Variants in ACCSL observed in about 807,000 individuals in gnomAD.
ACCSL encodes the protein 1-aminocyclopropane-1-carboxylate synthase homolog (inactive) like.
A neutral mutation model predicts 61.7 loss-of-function variants in ACCSL; 55 were observed. The ratio of observed to expected loss-of-function variants is 0.89; its 90% CI spans 0.72 to 1.12. The LOEUF (loss-of-function observed/expected upper bound fraction) is 1.12, where lower values mean the gene tolerates loss of function less well. ACCSL is among the 50% of genes most tolerant of loss of function. The pLI is 0.00. For missense variants in ACCSL, 632 were observed against 698.0 expected, an observed-to-expected ratio of 0.91 and a Z score of 1.07; for synonymous variants, 258 against 264.3, an observed-to-expected ratio of 0.98 and a Z score of 0.23.
rs374124555 is a variant in ACCSL at position 44,053,414 on chromosome 11, G to T, written c.957G>T (p.Lys319Asn). The change falls in exon 8 of 14, where the codon AAG (lysine) becomes AAT (asparagine). Residue 319 changes from lysine to asparagine, a missense_variant. Coordinates refer to ENST00000378832, the MANE Select transcript of ACCSL (RefSeq NM_001031854.2). The stretch of plus-strand genomic sequence containing the variant: ...ATTTGGGTTTTTCTTAGGGGAAAAA[G>T]GTCCGAGGCCTTGTGCTAATCAACC... ...ALLEARLEGK[K>N]VRGLVLINPQ... 3.7e-6 allele frequency: 6 copies of T among 1,613,956 alleles called. No homozygotes were observed. Among genetic ancestry groups the T allele is most frequent in the African/African-American group, 2.7e-5 (2 of 74,882 alleles).
At chr11:43,972,296 C>T in the ACCSL span, among the ~76,000 whole-genome samples, 5 of 152,214 alleles carry the variant, frequency 3.3e-5, no homozygotes, top group Admixed American at 3.3e-4. Context: ...GTGTTCACAC[C>T]ACCTTGGTGT....
chr11:43,921,891 C>T, the ACCSL span, among the ~76,000 whole-genome samples: 3 of 152,160 alleles, frequency 2.0e-5, no homozygotes, highest in African/African-American at 7.2e-5. Flanking sequence ...GATAATGTCC[C>T]TTCTGAAATG....
the ACCSL span, among the ~76,000 whole-genome samples, chr11:43,964,239 C>T: frequency 2.6e-5 from 4 of 151,860 alleles, no homozygotes; most frequent in Admixed American, 6.6e-5. Context: ...GTCAAGAGAT[C>T]GAGACCATCC....
the ACCSL span, among the ~76,000 whole-genome samples, chr11:43,985,857 C>T: frequency 1.8e-4 from 27 of 152,036 alleles, no homozygotes; most frequent in African/African-American, 5.5e-4. Context: ...GCCAACATGA[C>T]GAAAACTCAT....
At chr11:43,967,305 G>A in the ACCSL span, among the ~76,000 whole-genome samples, 9,896 of 151,404 alleles carry the variant, frequency 0.065, 347 homozygotes, top group South Asian at 0.1. Context: ...AGCCTCCCGA[G>A]TAGCTGGGAT....
At chr11:44,051,505 T>G in intron 4 of ACCSL, 101 bp downstream of exon 4, 1 of 1,550,328 alleles carries the variant, frequency 6.5e-7, no homozygotes, top group Non-Finnish European at 8.9e-7. Flanking sequence ...CAGTGAAGAC[T>G]CTCAGGGCCA....
the ACCSL span, among the ~76,000 whole-genome samples, chr11:44,021,324 A>C: frequency 6.6e-6 from 1 of 152,144 alleles, no homozygotes; most frequent in Admixed American, 6.5e-5. Context: ...TGCAGGAGTT[A>C]GGCGGTATTG....
chr11:44,052,587 C>T (rs1952646008), intron 5 of ACCSL, 75 bp from the exon 6 acceptor site: 6 of 1,278,302 alleles, frequency 4.7e-6, no homozygotes, highest in Non-Finnish European at 6.8e-6. Context: ...GATAGCTTTG[C>T]TAGTTTGGGG....
At chr11:44,028,628 G>A in the ACCSL span, among the ~76,000 whole-genome samples, 3 of 152,246 alleles carry the variant, frequency 2.0e-5, no homozygotes, top group Non-Finnish European at 2.9e-5. Flanking sequence ...GTGGCACAGG[G>A]AGCCCTTACC....
the ACCSL span, among the ~76,000 whole-genome samples, chr11:44,022,996 C>A: frequency 7.1e-6 from 1 of 140,426 alleles, no homozygotes; most frequent in Non-Finnish European, 1.6e-5. Flanking sequence ...AATTCAATCT[C>A]TTTATTTATT....
the ACCSL span, chr11:43,925,564 G>A: frequency 1.3e-4 from 53 of 413,190 alleles, no homozygotes; most frequent in Middle Eastern, 7.4e-4. Flanking sequence ...GACTGGCCCC[G>A]TTCGCTTTTG....
chr11:43,942,031 C>CGT, the ACCSL span, among the ~76,000 whole-genome samples: 477 of 114,524 alleles, frequency 4.2e-3, 4 homozygotes, highest in South Asian at 6.6e-3. Flanking sequence ...TGTTTGCATT[C>CGT]GTGCGTGTGT....
At chr11:43,943,210 G>A in the ACCSL span, 3 of 1,526,084 alleles carry the variant, frequency 2.0e-6, no homozygotes, top group Non-Finnish European at 2.6e-6. This position sits in a 1 kb window ranked among gnomAD's most constrained non-coding sequence, Gnocchi z 4.8. Context: ...TGCAGCGGGA[G>A]CAGCTCAGCA....
At chr11:43,938,158 C>T in the ACCSL span, among the ~76,000 whole-genome samples, 94 of 152,310 alleles carry the variant, frequency 6.2e-4, 1 homozygote, top group African/African-American at 2.0e-3. Context: ...AGTCTGTCCT[C>T]GAGAACAGTG....
the ACCSL span, among the ~76,000 whole-genome samples, chr11:44,034,858 G>T: frequency 2.6e-5 from 4 of 152,186 alleles, no homozygotes; most frequent in Non-Finnish European, 4.4e-5. Flanking sequence ...TGGTTCAGGG[G>T]CCTCTAGCCA....
rs1404857060 is a variant in ACCSL at position 44,050,621 on chromosome 11, T to C, written c.634T>C (p.Phe212Leu). 9.3e-6 allele frequency: 15 copies of C among 1,613,730 alleles called. No homozygotes were observed. In the East Asian group the frequency reaches 2.2e-4, roughly 24 times the overall value. The change falls in exon 3 of 14, where the codon TTC (phenylalanine) becomes CTC (leucine). Residue 212 changes from phenylalanine to leucine, a missense_variant and splice_region_variant. Phe to Leu is a conservative substitution (Grantham distance 22). Transcript: ENST00000378832. Reference protein sequence around the residue: ...LQYPDWRGQPFLREEVARFLT... With the variant: ...LQYPDWRGQPLLREEVARFLT... ...GTACCCTGATTGGAGAGGGCAGCCA[T>C]TGTAAGTGACCTTCAGATTTAGAGT...
At chr11:43,999,310 A>T in the ACCSL span, among the ~76,000 whole-genome samples, 1 of 152,160 alleles carries the variant, frequency 6.6e-6, no homozygotes, top group African/African-American at 2.4e-5. Context: ...TTAAAATGAC[A>T]CACCTCTCAA....
chr11:44,018,785 T>C, the ACCSL span, among the ~76,000 whole-genome samples: 13 of 152,318 alleles, frequency 8.5e-5, no homozygotes, highest in African/African-American at 3.1e-4. Context: ...CTGGACAGCA[T>C]ACTAAGACCC....
At chr11:44,018,729 A>G in the ACCSL span, among the ~76,000 whole-genome samples, 1 of 152,236 alleles carries the variant, frequency 6.6e-6, no homozygotes, top group Admixed American at 6.5e-5. Flanking sequence ...GCACATTGGG[A>G]GGCCAAGGTA....
Sources: allele counts gnomAD v4.1 joint callset (sites outside exome capture counted in the v4.1 genomes callset), GRCh38; gene constraint gnomAD v4.1.1; non-coding constraint Gnocchi (gnomAD v3.1); transcripts MANE v1.5; gene names NCBI Gene and HGNC (gene_info 2026-07-23, HGNC 2026-07-21).